CHD2: variants seen among roughly 807,000 people sequenced by gnomAD.
CHD2 encodes ATP-dependent chromatin remodeler CHD2.
Under a neutral mutation model 243.9 loss-of-function variants are expected in CHD2, and 28 were observed. The ratio of observed to expected loss-of-function variants is 0.11; its 90% confidence interval spans 0.09 to 0.16. The LOEUF is 0.16. Among genes scored for constraint, CHD2 ranks in the 10% least tolerant of loss-of-function variants. The pLI, the probability that CHD2 is intolerant of heterozygous loss-of-function variation, is 1.00. For missense variants in CHD2, 1,386 were observed against 2,209.8 expected, an observed-to-expected ratio of 0.63 and a Z score of 7.47; for synonymous variants, 775 against 779.0, an observed-to-expected ratio of 0.99 and a Z score of 0.09.
rs191859431 is a variant in CHD2, at chr15:92,927,224, G to T, written c.295-20G>T. 6.4e-7 allele frequency: 1 copy of T among 1,554,516 alleles called. No individual in the cohort carries two copies. The highest frequency in any genetic ancestry group is 8.9e-7 in the Non-Finnish European group (1 of 1,127,838). ...GGGGGTCAAGAAAAAAGATTAATGC[G>T]TGGTCTCTTAATTTTACAGATGTGG... On this transcript the variant is annotated intron_variant, in intron 3 of 38. Coordinates refer to ENST00000394196, the MANE Select transcript of CHD2 (RefSeq NM_001271.4).
intron 19 of CHD2, among the ~76,000 whole-genome samples, chr15:92,973,251 C>T (rs184210129): frequency 5.5e-4 from 83 of 152,260 alleles, no homozygotes; most frequent in Admixed American, 3.1e-3. Flanking sequence ...GAGTTACTGT[C>T]TTCACACAGT....
intron 2 of CHD2, chr15:92,904,741 A>C: frequency 7.2e-7 from 1 of 1,394,916 alleles, no homozygotes; most frequent in South Asian, 1.7e-5. Context: ...GCCCAGTTTT[A>C]CATTTTCCCT....
intron 2 of CHD2, among the ~76,000 whole-genome samples, chr15:92,924,117 C>T (rs1030321620): frequency 1.3e-5 from 2 of 152,098 alleles, no homozygotes; most frequent in African/African-American, 4.8e-5. Flanking sequence ...TGTAAACATT[C>T]AGGAAAGGGT....
intron 32 of CHD2, 74 bp downstream of exon 32, chr15:93,000,714 C>T: frequency 1.4e-6 from 2 of 1,462,740 alleles, no homozygotes; most frequent in South Asian, 1.3e-5. Context: ...GGAATAAAAT[C>T]ATCTGAAATG....
intron 5 of CHD2, among the ~76,000 whole-genome samples, chr15:92,931,593 T>G (rs1165796054): frequency 6.6e-6 from 1 of 152,050 alleles, no homozygotes; most frequent in Non-Finnish European, 1.5e-5. Flanking sequence ...CTGGCTGTTC[T>G]CAAACTCCTG....
chr15:92,966,938 A>G (rs936554362), intron 16 of CHD2, among the ~76,000 whole-genome samples: 2 of 149,766 alleles, frequency 1.3e-5, no homozygotes, highest in African/African-American at 4.9e-5. Flanking sequence ...ATGACTATTT[A>G]TGAGTTCAGA....
rs931058648 is a variant in CHD2, at chr15:93,023,815, T to C, written c.5154-557T>C. Among the ~76,000 whole-genome samples, 4 of 152,260 alleles carry C rather than the reference T, an allele frequency of 2.6e-5. No individual in the cohort carries two copies. The East Asian group carries it at 7.7e-4, about 29-fold the overall frequency. ...TTTTTGGCCATTTGTATAGCTTCTTTGGAGAAATGTCTGTTCAAATCCTTT... is the reference window on the plus strand; with the variant it reads ...TTTTTGGCCATTTGTATAGCTTCTTCGGAGAAATGTCTGTTCAAATCCTTT... On this transcript the variant is annotated intron_variant, in intron 38 of 38. Coordinates refer to ENST00000394196, the MANE Select transcript of CHD2 (RefSeq NM_001271.4).
intron 8 of CHD2, among the ~76,000 whole-genome samples, chr15:92,942,198 G>C (rs1292739528): frequency 1.3e-5 from 2 of 152,170 alleles, no homozygotes; most frequent in Admixed American, 1.3e-4. Flanking sequence ...ATATAGCAGA[G>C]ATACCTGCTA....
At chr15:93,002,067 C>G in intron 32 of CHD2, 110 bp from the exon 33 acceptor site, 1 of 1,400,414 alleles carries the variant, frequency 7.1e-7, no homozygotes, top group Non-Finnish European at 9.4e-7. Flanking sequence ...AAACAAGCTT[C>G]TAAGTATAGA....
At chr15:92,952,264 C>G (rs1334935144) in intron 13 of CHD2, among the ~76,000 whole-genome samples, 1 of 152,140 alleles carries the variant, frequency 6.6e-6, no homozygotes, top group Non-Finnish European at 1.5e-5. Flanking sequence ...TAAGGTAGTG[C>G]TTCCCAACCT....
At chr15:92,995,444 T>C (rs181308218) in intron 28 of CHD2, among the ~76,000 whole-genome samples, 1 of 152,134 alleles carries the variant, frequency 6.6e-6, no homozygotes, top group Non-Finnish European at 1.5e-5. Flanking sequence ...TTTCTATTAG[T>C]TGTAAGTTTA....
At chr15:92,912,821 A>G (rs1351588229) in intron 2 of CHD2, among the ~76,000 whole-genome samples, 1 of 152,238 alleles carries the variant, frequency 6.6e-6, no homozygotes, top group Non-Finnish European at 1.5e-5. Flanking sequence ...AAGTGCTGGG[A>G]TTACAGGCGT....
At chr15:92,903,590 A>C in intron 2 of CHD2, among the ~76,000 whole-genome samples, 1 of 152,204 alleles carries the variant, frequency 6.6e-6, no homozygotes, top group East Asian at 1.9e-4. Context: ...GCGATTTTAA[A>C]AACATTTGAT....
intron 16 of CHD2, among the ~76,000 whole-genome samples, chr15:92,959,954 A>G (rs1206994321): frequency 6.6e-6 from 1 of 152,214 alleles, no homozygotes; most frequent in African/African-American, 2.4e-5. Context: ...GTGTTGAATC[A>G]TATATCAGTT....
intron 20 of CHD2, 32 bp downstream of exon 20, chr15:92,974,982 A>T: frequency 1.3e-6 from 2 of 1,574,586 alleles, no homozygotes; most frequent in African/African-American, 1.3e-5. Context: ...TATTTGAGCA[A>T]CTTGGGCTCT....
Position 93,015,754 on chromosome 15 carries a change from A to G in CHD2, c.4906+845A>G, listed in dbSNP as rs140708149. On this transcript the variant is annotated intron_variant, in intron 37 of 38. Transcript: ENST00000394196. ...TACAGATTGCCAACAGGTATATGAA[A>G]AAATGCTCAGCATGACTGATCATCA... 6.2e-3 allele frequency among the ~76,000 whole-genome samples: 941 copies of G among 152,352 alleles called. 2 individuals are homozygous for G. Among genetic ancestry groups the G allele is most frequent in the South Asian group, 0.021 (101 of 4,830 alleles).
At chr15:93,004,507 C>G (rs1327033039) in intron 33 of CHD2, 110 bp from the exon 34 acceptor site, 4 of 1,036,550 alleles carry the variant, frequency 3.9e-6, no homozygotes, top group Non-Finnish European at 1.3e-6. Flanking sequence ...AAAAAATAAA[C>G]TGAGACCATC....
At position 93,025,428 on chromosome 15, in the gene CHD2, T is replaced by C. The variant is rs1238945608; in HGVS notation, c.*723T>C. ...CATTTCAGAGCTTTGGTCTCCTGAG[T>C]GGGCCTCCTTTTCCCACTGTGCCAG... On this transcript the variant is annotated 3_prime_UTR_variant, in exon 39 of 39. Coordinates refer to ENST00000394196, the MANE Select transcript of CHD2 (RefSeq NM_001271.4). 6.5e-6 allele frequency: 1 copy of C among 152,702 alleles called. No homozygotes were observed. Among genetic ancestry groups the C allele is most frequent in the Non-Finnish European group, 1.5e-5 (1 of 68,132 alleles). The allele number at this position is 152,702 out of a possible 1,614,324, so 9.5% of individuals were successfully genotyped here. A position where few individuals can be genotyped will look rare whatever the true frequency, so the allele number is the denominator to read the frequency against.
chr15:92,920,383 G>A (rs77289894), intron 2 of CHD2, among the ~76,000 whole-genome samples: 2,705 of 152,288 alleles, frequency 0.018, 86 homozygotes, highest in Admixed American at 0.072. Context: ...TAAATGTACC[G>A]TTAATAGGGG....
Sources: gnomAD v4.1 joint callset for allele counts (sites outside exome capture counted in the v4.1 genomes callset) on GRCh38, gnomAD v4.1.1 for gene constraint, MANE v1.5 for transcripts, NCBI Gene and HGNC (gene_info 2026-07-23, HGNC 2026-07-21) for gene names.